The following CNKSR3 variants were observed in gnomAD, a reference collection of about 807,000 sequenced individuals.
The protein encoded by CNKSR3 is CNKSR family member 3.
CNKSR3 carries 36 observed loss-of-function variants against 67.7 expected under a neutral mutation model. That is an observed-to-expected ratio of 0.53 (90% CI 0.41 to 0.70). The LOEUF is 0.70. Ranked by LOEUF, CNKSR3 falls within the 30% of genes least tolerant of loss-of-function variation. The pLI, the probability that CNKSR3 is intolerant of heterozygous loss-of-function variation, is 0.00. For missense variants in CNKSR3, 630 were observed against 695.2 expected (o/e 0.91, Z 1.05); for synonymous variants, 281 against 271.4 (o/e 1.04, Z -0.35).
chr6:154,431,246 C>A (rs554610352), intron 5 of CNKSR3, among the ~76,000 whole-genome samples: 1 of 151,782 alleles, frequency 6.6e-6, no homozygotes, highest in African/African-American at 2.4e-5. Context: ...GAGTTCAAGA[C>A]CAGCCTGACC....
At chr6:154,491,734 A>G (rs771608879) in intron 1 of CNKSR3, among the ~76,000 whole-genome samples, 6 of 152,248 alleles carry the variant, frequency 3.9e-5, no homozygotes, top group Non-Finnish European at 8.8e-5. Flanking sequence ...AGAAGCCACC[A>G]GTACATAGTC....
chr6:154,473,964 T>C (rs1414896687), intron 1 of CNKSR3, among the ~76,000 whole-genome samples: 1 of 151,702 alleles, frequency 6.6e-6, no homozygotes, highest in Non-Finnish European at 1.5e-5. Flanking sequence ...TTTGTATTTT[T>C]AGTATAGACG....
At chr6:154,467,916 C>T (rs918447913) in intron 1 of CNKSR3, among the ~76,000 whole-genome samples, 5 of 151,796 alleles carry the variant, frequency 3.3e-5, no homozygotes, top group Admixed American at 6.6e-5. Context: ...CCCACTACCA[C>T]GCCCGGCTAA....
Position 154,394,386 on chromosome 6 carries a change from G to A in CNKSR3, c.*11968C>T, listed in dbSNP as rs1453122811. On this transcript the variant is annotated 3_prime_UTR_variant, in exon 13 of 13. Coordinates refer to ENST00000607772, the MANE Select transcript of CNKSR3 (RefSeq NM_173515.4). ...GGACCCATCTCCCAATTTACCAGGT[G>A]GATAATGCCTGGGTCACCTTGAAGT... 1 of 152,098 alleles carries A rather than the reference G, an allele frequency of 6.6e-6. No individual in the cohort carries two copies. The highest frequency in any genetic ancestry group is 1.5e-5 in the Non-Finnish European group (1 of 68,032). The allele number at this position is 152,098 out of a possible 1,614,324, so 9.4% of individuals were successfully genotyped here. A position where few individuals can be genotyped will look rare whatever the true frequency, so the allele number is the denominator to read the frequency against.
intron 9 of CNKSR3, among the ~76,000 whole-genome samples, chr6:154,421,535 G>A (rs529182666): frequency 6.6e-6 from 1 of 152,286 alleles, no homozygotes; most frequent in East Asian, 1.9e-4. Context: ...AAGCACTAAG[G>A]ACCAATGGCA....
intron 12 of CNKSR3, 40 bp downstream of exon 12, chr6:154,410,303 C>T (rs1292359278): frequency 2.8e-6 from 4 of 1,447,926 alleles, no homozygotes; most frequent in East Asian, 2.3e-5. Context: ...GCTGTTCACT[C>T]CCCATTTGCT....
chr6:154,451,129 T>C (rs1785816599), intron 1 of CNKSR3, among the ~76,000 whole-genome samples: 1 of 84,326 alleles, frequency 1.2e-5, no homozygotes, highest in Non-Finnish European at 2.3e-5. Context: ...GCATGGTAAA[T>C]GGGTTCGCTT....
At chr6:154,422,749 G>C in intron 8 of CNKSR3, 97 bp from the exon 9 acceptor site, 1 of 1,380,338 alleles carries the variant, frequency 7.2e-7, no homozygotes, top group Non-Finnish European at 1.0e-6. Context: ...GTTGTGAGCA[G>C]ATACATAGAA....
Position 154,389,471 on chromosome 6 carries a change from CAT to C in CNKSR3, c.*16881_*16882del, listed in dbSNP as rs373717321. On this transcript the variant is annotated 3_prime_UTR_variant, in exon 13 of 13. Coordinates refer to ENST00000607772, the MANE Select transcript of CNKSR3 (RefSeq NM_173515.4). ...TATATGTCTATCTGTTGGCCAGTAACATACTGTTTTGATTACTGTAGTTTTGT... is the reference window on the plus strand; with the variant it reads ...TATATGTCTATCTGTTGGCCAGTAACACTGTTTTGATTACTGTAGTTTTGT... The C allele has an allele frequency of 5.3e-4, 80 of 152,302 alleles. No individual in the cohort carries two copies. Among genetic ancestry groups the C allele is most frequent in the African/African-American group, 1.9e-3 (77 of 41,568 alleles). The allele number at this position is 152,302 out of a possible 1,614,324, so 9.4% of individuals were successfully genotyped here.
chr6:154,505,529 ACT>A (rs1376728762), intron 1 of CNKSR3, among the ~76,000 whole-genome samples: 1 of 145,628 alleles, frequency 6.9e-6, no homozygotes, highest in African/African-American at 2.6e-5. Context: ...ACAGAGTCTC[ACT>A]CTGTCGCCTA....
chr6:154,389,524 G>A lies in CNKSR3; in HGVS notation c.*16830C>T, dbSNP rs1176487263. The A allele has an allele frequency of 1.3e-5, 2 of 152,146 alleles. No homozygotes were observed. Among genetic ancestry groups the A allele is most frequent in the African/African-American group, 4.8e-5 (2 of 41,440 alleles). 9.4% of individuals were successfully genotyped at this position (152,146 alleles called of 1,614,324 possible). ...TATACATTCTGAAATCAAGCAATGT[G>A]ATGCCTCTATCTTTGTTCTTCTTTC... On this transcript the variant is annotated 3_prime_UTR_variant, in exon 13 of 13. Coordinates refer to ENST00000607772, the MANE Select transcript of CNKSR3 (RefSeq NM_173515.4).
intron 1 of CNKSR3, among the ~76,000 whole-genome samples, chr6:154,481,437 T>C (rs1347797803): frequency 6.6e-6 from 1 of 152,260 alleles, no homozygotes; most frequent in African/African-American, 2.4e-5. Flanking sequence ...TTTATAGCAG[T>C]CTTATGCTTA....
At chr6:154,473,551 C>T (rs1292752986) in intron 1 of CNKSR3, among the ~76,000 whole-genome samples, 1 of 152,090 alleles carries the variant, frequency 6.6e-6, no homozygotes, top group African/African-American at 2.4e-5. Flanking sequence ...AAACAAGGCA[C>T]AGAAGAGGAA....
chr6:154,454,104 CAG>C (rs71021054), intron 1 of CNKSR3, among the ~76,000 whole-genome samples: 6,578 of 116,096 alleles, frequency 0.057, 296 homozygotes, highest in African/African-American at 0.076. Flanking sequence ...CACACACACA[CAG>C]AGAGAGAGAG....
At position 154,414,235 on chromosome 6, in the gene CNKSR3, C is replaced by T. The variant is rs556471506; in HGVS notation, c.1070+64G>A. On this transcript the variant is annotated intron_variant, in intron 10 of 12. Coordinates refer to ENST00000607772, the MANE Select transcript of CNKSR3 (RefSeq NM_173515.4). ...TTCCTCTCTCAAGATCCTCTTTTCA[C>T]ACCACCATTTACAAATGACACCAAC... is the stretch of plus-strand genomic sequence containing the variant. The T allele has an allele frequency of 1.5e-5, 22 of 1,500,974 alleles. No homozygotes were observed. In the Admixed American group the frequency reaches 4.2e-4, roughly 29 times the overall value. The allele number at this position is 1,500,974 out of a possible 1,614,324, so 93.0% of individuals were successfully genotyped here.
chr6:154,473,294 G>T (rs1474516002), intron 1 of CNKSR3, among the ~76,000 whole-genome samples: 2 of 152,216 alleles, frequency 1.3e-5, no homozygotes, highest in African/African-American at 4.8e-5. Flanking sequence ...TGGGGCTATT[G>T]TTAGTTTATC....
At chr6:154,494,101 T>C (rs781193458) in intron 1 of CNKSR3, among the ~76,000 whole-genome samples, 4 of 152,090 alleles carry the variant, frequency 2.6e-5, no homozygotes, top group East Asian at 1.9e-4. Context: ...TATGACAACA[T>C]ACCTGAGACT....
rs1467378249 is a variant in CNKSR3, at chr6:154,393,616, T to C, written c.*12738A>G. ...CCAATTTGTAACTTTTTAAAAATTT[T>C]CTTTAAGGTGTCCTATGATGAGGAA... is the stretch of plus-strand genomic sequence containing the variant. On this transcript the variant is annotated 3_prime_UTR_variant, in exon 13 of 13. Transcript: ENST00000607772. 1 of 152,258 alleles carries C rather than the reference T, an allele frequency of 6.6e-6. No individual in the cohort carries two copies. The highest frequency in any genetic ancestry group is 2.4e-5 in the African/African-American group (1 of 41,476). The allele number at this position is 152,258 out of a possible 1,614,324, so 9.4% of individuals were successfully genotyped here.
chr6:154,501,259 G>C (rs914412355), intron 1 of CNKSR3, among the ~76,000 whole-genome samples: 8 of 152,148 alleles, frequency 5.3e-5, no homozygotes, highest in African/African-American at 1.9e-4. Context: ...ATCGCCTCCA[G>C]AATACTGCAA....
Sources: allele counts gnomAD v4.1 joint callset (sites outside exome capture counted in the v4.1 genomes callset), GRCh38; gene constraint gnomAD v4.1.1; transcripts MANE v1.5; gene names NCBI Gene and HGNC (gene_info 2026-07-23, HGNC 2026-07-21).